TMEM260: variants seen among roughly 807,000 people sequenced by gnomAD.
The protein encoded by TMEM260 is transmembrane protein 260, also known as protein O-mannosyl-transferase TMEM260.
A neutral mutation model predicts 88.9 loss-of-function variants in TMEM260; 82 were observed. The ratio of observed to expected loss-of-function variants is 0.92; its 90% CI spans 0.77 to 1.11. The LOEUF (loss-of-function observed/expected upper bound fraction) is 1.11, where lower values mean the gene tolerates loss of function less well. Among genes scored for constraint, TMEM260 ranks in the 50% least tolerant of loss-of-function variants. The pLI, the probability that TMEM260 is intolerant of heterozygous loss-of-function variation, is 0.00. For missense variants in TMEM260, 902 were observed against 853.4 expected (o/e 1.06, Z -0.71); for synonymous variants, 314 against 309.3 (o/e 1.02, Z -0.16).
chr14:56,659,046 G>C, the TMEM260 span, among the ~76,000 whole-genome samples: 1 of 152,158 alleles, frequency 6.6e-6, no homozygotes, highest in Non-Finnish European at 1.5e-5. Context: ...ACTATTATTA[G>C]AAATAGTGGT....
intron 15 of TMEM260, among the ~76,000 whole-genome samples, chr14:56,640,345 C>G (rs576951185): frequency 6.6e-6 from 1 of 152,154 alleles, no homozygotes; most frequent in African/African-American, 2.4e-5. Flanking sequence ...CACCAATATC[C>G]GCTGTTCTGC....
chr14:56,656,413 T>C, the TMEM260 span, among the ~76,000 whole-genome samples: 1 of 151,884 alleles, frequency 6.6e-6, no homozygotes, highest in African/African-American at 2.4e-5. Context: ...TAGTGAGACC[T>C]TATCTCAAAT....
At chr14:56,631,642 A>G (rs73277647) in intron 12 of TMEM260, among the ~76,000 whole-genome samples, 3,141 of 147,742 alleles carry the variant, frequency 0.021, 130 homozygotes, top group African/African-American at 0.074. Flanking sequence ...AAAAAAAGAG[A>G]CTGTGCAGTG....
chr14:56,595,373 T>C (rs1422229574), intron 3 of TMEM260, among the ~76,000 whole-genome samples: 2 of 152,186 alleles, frequency 1.3e-5, no homozygotes, highest in African/African-American at 4.8e-5. Flanking sequence ...AATGGGAAAT[T>C]TGATGTGTTT....
chr14:56,605,468 A>G (rs1886835787), intron 4 of TMEM260, 102 bp from the exon 5 acceptor site: 4 of 495,802 alleles, frequency 8.1e-6, no homozygotes, highest in Non-Finnish European at 1.4e-5. Context: ...TTAACCTAAC[A>G]TGATACGAAT....
At chr14:56,624,871 G>C (rs563586038) in intron 11 of TMEM260, among the ~76,000 whole-genome samples, 1 of 150,828 alleles carries the variant, frequency 6.6e-6, no homozygotes, top group Admixed American at 6.6e-5. Context: ...TATTTCCACA[G>C]ACTGGGGGTT....
At position 56,640,120 on chromosome 14, in the gene TMEM260, C is replaced by T. The variant is rs1010112672; in HGVS notation, c.1869+3522C>T. 3.9e-5 allele frequency among the ~76,000 whole-genome samples: 6 copies of T among 152,198 alleles called. No individual in the cohort carries two copies. In the South Asian group the frequency reaches 1.2e-3, roughly 32 times the overall value. The stretch of plus-strand genomic sequence containing the variant: ...CAATATCCTCTGCAGACTTAAATGT[C>T]CCTGTCTGACAGCTTTGAAGAGAAT... On this transcript the variant is annotated intron_variant, in intron 15 of 15. Coordinates refer to ENST00000261556, the MANE Select transcript of TMEM260 (RefSeq NM_017799.4).
rs1379415652 is a variant in TMEM260, at chr14:56,604,012, G to C, written c.522+20G>C. The C allele has an allele frequency of 6.6e-7, 1 of 1,511,440 alleles. No homozygotes were observed. The allele number at this position is 1,511,440 out of a possible 1,614,324, so 93.6% of individuals were successfully genotyped here. Reference sequence around the variant, plus strand: ...TCAAAGGTAACCTATTTTGATCAAAGTGAAATCAGTTTTTGTTTTAATTTT... The same window carrying C: ...TCAAAGGTAACCTATTTTGATCAAACTGAAATCAGTTTTTGTTTTAATTTT... On this transcript the variant is annotated intron_variant, in intron 4 of 15. Transcript: ENST00000261556.
chr14:56,634,670 C>T (rs543756972), intron 13 of TMEM260, among the ~76,000 whole-genome samples: 3 of 152,166 alleles, frequency 2.0e-5, no homozygotes, highest in East Asian at 1.9e-4. Flanking sequence ...GGTGAAACTC[C>T]ATTTCCACGA....
intron 15 of TMEM260, among the ~76,000 whole-genome samples, chr14:56,643,412 A>C (rs1421779779): frequency 1.3e-5 from 2 of 152,218 alleles, no homozygotes; most frequent in Non-Finnish European, 2.9e-5. Flanking sequence ...CAAAAACCAC[A>C]TGATTATCTC....
intron 5 of TMEM260, 104 bp downstream of exon 5, chr14:56,605,787 A>G: frequency 1.5e-6 from 1 of 682,122 alleles, no homozygotes; most frequent in Non-Finnish European, 2.4e-6. Flanking sequence ...CTTGGGTTTC[A>G]TGTAAAGCAT....
At chr14:56,588,201 T>TC (rs1406611005) in intron 3 of TMEM260, among the ~76,000 whole-genome samples, 1 of 152,030 alleles carries the variant, frequency 6.6e-6, no homozygotes, top group Non-Finnish European at 1.5e-5. Flanking sequence ...ATTCTTTCTT[T>TC]CCCCCATCAC....
intron 5 of TMEM260, among the ~76,000 whole-genome samples, chr14:56,608,256 C>CT (rs1887036067): frequency 6.6e-6 from 1 of 152,196 alleles, no homozygotes; most frequent in East Asian, 1.9e-4. Context: ...ATGAATTTCT[C>CT]TTTTTTGTAA....
In TMEM260 at chr14:56,625,408, C is replaced by T; in HGVS notation, c.1425C>T (p.Pro475=). ...TGATGACTTACGAGTGGTATTTACC[C>T]AAGATGGCAAAGCACTTGCCAGGTG... is the stretch of plus-strand genomic sequence containing the variant. ...QEMMTYEWYL[P]KMAKHLPGVN... is the part of the protein sequence containing the mutation. The change falls in exon 12 of 16, where the codon CCC becomes CCT. Residue 475 remains proline (P), a synonymous_variant. Coordinates refer to ENST00000261556, the MANE Select transcript of TMEM260 (RefSeq NM_017799.4). 1 of 1,613,770 alleles carries T rather than the reference C, an allele frequency of 6.2e-7. No individual in the cohort carries two copies. Among genetic ancestry groups the T allele is most frequent in the East Asian group, 2.2e-5 (1 of 44,854 alleles).
At chr14:56,620,501 G>A (rs2139596226) in intron 10 of TMEM260, among the ~76,000 whole-genome samples, 1 of 152,344 alleles carries the variant, frequency 6.6e-6, no homozygotes, top group South Asian at 2.1e-4. Flanking sequence ...GGGCAGTCCA[G>A]GTTCGACACC....
chr14:56,629,187 C>T (rs538727444), intron 12 of TMEM260, among the ~76,000 whole-genome samples: 19 of 151,824 alleles, frequency 1.3e-4, no homozygotes, highest in East Asian at 3.9e-4. Context: ...TGAGCCACCA[C>T]GCCTGGCTGA....
chr14:56,590,957 G>A (rs1321824848), intron 3 of TMEM260, among the ~76,000 whole-genome samples: 5 of 152,178 alleles, frequency 3.3e-5, no homozygotes, highest in East Asian at 1.9e-4. Context: ...ATAGGCCGCC[G>A]TGGGGTTTAT....
intron 6 of TMEM260, among the ~76,000 whole-genome samples, chr14:56,611,292 C>T (rs1203347258): frequency 2.6e-5 from 4 of 152,000 alleles, no homozygotes; most frequent in East Asian, 1.9e-4. Flanking sequence ...TAAAATTCTT[C>T]CTAAAGGGTG....
At chr14:56,584,286 G>A (rs1268297303) in intron 1 of TMEM260, among the ~76,000 whole-genome samples, 4 of 151,932 alleles carry the variant, frequency 2.6e-5, no homozygotes, top group African/African-American at 7.3e-5. Flanking sequence ...TACATTGTAC[G>A]GTACTACAAT....
Sources: allele counts gnomAD v4.1 joint callset (sites outside exome capture counted in the v4.1 genomes callset), GRCh38; gene constraint gnomAD v4.1.1; transcripts MANE v1.5; gene names NCBI Gene and HGNC (gene_info 2026-07-23, HGNC 2026-07-21).